The following FHAD1 variants were observed in gnomAD, a reference collection of about 807,000 sequenced individuals.
FHAD1 encodes the protein forkhead-associated domain-containing protein 1.
FHAD1 carries 146 observed loss-of-function variants against 191.3 expected under a neutral mutation model. The ratio of observed to expected loss-of-function variants is 0.76; its 90% CI spans 0.67 to 0.88. The LOEUF (loss-of-function observed/expected upper bound fraction) is 0.88. Among genes scored for constraint, FHAD1 ranks in the 40% least tolerant of loss-of-function variants. FHAD1 has a pLI of 0.00. For missense variants in FHAD1, 1,635 were observed against 1,785.8 expected (o/e 0.92, Z 1.52); for synonymous variants, 616 against 672.3 (o/e 0.92, Z 1.29).
At chr1:15,260,791 G>A (rs781056306) in intron 2 of FHAD1, among the ~76,000 whole-genome samples, 8 of 152,184 alleles carry the variant, frequency 5.3e-5, no homozygotes, top group Admixed American at 2.0e-4. Flanking sequence ...TGTTTTTAAG[G>A]GCTCACGTGG....
intron 5 of FHAD1, among the ~76,000 whole-genome samples, chr1:15,299,042 A>G (rs1034391087): frequency 9.9e-5 from 15 of 151,210 alleles, no homozygotes; most frequent in African/African-American, 3.6e-4. Context: ...AACAACAACA[A>G]CAAAAAAACG....
At chr1:15,386,082 C>G (rs757967619) in intron 31 of FHAD1, among the ~76,000 whole-genome samples, 28 of 152,228 alleles carry the variant, frequency 1.8e-4, no homozygotes, top group Admixed American at 1.6e-3. Context: ...AAGCCCACCT[C>G]TGTCCCTGAG....
chr1:15,328,049 A>AG (rs1185094962), intron 12 of FHAD1: 51 of 234,784 alleles, frequency 2.2e-4, no homozygotes, highest in African/African-American at 1.2e-3. Flanking sequence ...AAAAAAAAAG[A>AG]AAAGAAAAAA....
Position 15,280,724 on chromosome 1 carries a change from A to G in FHAD1, c.300+8195A>G, listed in dbSNP as rs1292088939. 2.6e-5 allele frequency among the ~76,000 whole-genome samples: 4 copies of G among 152,338 alleles called. No individual in the cohort carries two copies. In the East Asian group the frequency reaches 7.7e-4, roughly 29 times the overall value. Reference sequence around the variant, plus strand: ...ACTCAATCTGGCAAGACTGAGCTCCAGCAGGCCGAGTCTAGGGTAGAAAAC... The same window carrying G: ...ACTCAATCTGGCAAGACTGAGCTCCGGCAGGCCGAGTCTAGGGTAGAAAAC... On this transcript the variant is annotated intron_variant, in intron 3 of 33. Transcript: ENST00000688493.
At chr1:15,330,522 CA>C (rs1300273825) in intron 14 of FHAD1, among the ~76,000 whole-genome samples, 4 of 152,068 alleles carry the variant, frequency 2.6e-5, no homozygotes, top group Admixed American at 2.0e-4. Flanking sequence ...CTTATGGTCT[CA>C]GGGGGAAGGA....
chr1:15,245,561 G>A (rs1383388857), upstream of FHAD1, among the ~76,000 whole-genome samples: 2 of 152,208 alleles, frequency 1.3e-5, no homozygotes, highest in Non-Finnish European at 2.9e-5. Context: ...AGGCAGAAAC[G>A]TGTGGGAAGC....
At chr1:15,292,258 C>T (rs1174873718) in intron 4 of FHAD1, among the ~76,000 whole-genome samples, 1 of 152,166 alleles carries the variant, frequency 6.6e-6, no homozygotes, top group African/African-American at 2.4e-5. Context: ...AGTGATTCTC[C>T]TGCCTCAGCC....
At chr1:15,324,626 G>C in intron 11 of FHAD1, 67 bp downstream of exon 11, 1 of 1,167,256 alleles carries the variant, frequency 8.6e-7, no homozygotes, top group Non-Finnish European at 1.3e-6. Flanking sequence ...AGCAGCCAGT[G>C]GGGGTGAGAG....
chr1:15,303,549 C>G (rs550055893), intron 6 of FHAD1, among the ~76,000 whole-genome samples: 11 of 152,180 alleles, frequency 7.2e-5, no homozygotes, highest in Admixed American at 2.0e-4. Context: ...GTGAAATTAT[C>G]TATAAATAAT....
chr1:15,318,756 T>C lies in FHAD1; in HGVS notation c.1365+828T>C, dbSNP rs548268470. On this transcript the variant is annotated intron_variant, in intron 10 of 33. Transcript: ENST00000688493. This position sits in a 1 kb window ranked among gnomAD's most constrained non-coding sequence, Gnocchi z 4.1. Reference sequence around the variant, plus strand: ...GCTGCTGCACTGGACAGCACAGATATGGAAATTTCCATCAGCACAGCAAGT... The same window carrying C: ...GCTGCTGCACTGGACAGCACAGATACGGAAATTTCCATCAGCACAGCAAGT... Among the ~76,000 whole-genome samples, 6 of 152,336 alleles carry C rather than the reference T, an allele frequency of 3.9e-5. No homozygotes were observed. In the East Asian group the frequency reaches 5.8e-4, roughly 15 times the overall value.
intron 1 of FHAD1, among the ~76,000 whole-genome samples, chr1:15,250,350 C>T (rs1438825456): frequency 1.3e-5 from 2 of 152,134 alleles, no homozygotes; most frequent in African/African-American, 4.8e-5. Context: ...GAACTTATTT[C>T]GAAATGCACC....
Position 15,365,807 on chromosome 1 carries a change from C to G in FHAD1, c.3048-20C>G. ...TGGAGTTTGAGTTGAACTGACTTCA[C>G]CTGTTTTTGTGAATTTCAGAGATGA... is the stretch of plus-strand genomic sequence containing the variant. On this transcript the variant is annotated intron_variant, in intron 23 of 33. Coordinates refer to ENST00000688493, the MANE Select transcript of FHAD1 (RefSeq NM_001391957.1). 6.7e-7 allele frequency: 1 copy of G among 1,488,052 alleles called. No homozygotes were observed. 92.2% of individuals were successfully genotyped at this position (1,488,052 alleles called of 1,614,324 possible). A position where few individuals can be genotyped will look rare whatever the true frequency, so the allele number is the denominator to read the frequency against.
intron 28 of FHAD1, among the ~76,000 whole-genome samples, chr1:15,378,939 C>T (rs1367745004): frequency 6.6e-6 from 1 of 152,078 alleles, no homozygotes; most frequent in African/African-American, 2.4e-5. Flanking sequence ...ATGCCTTTGG[C>T]TGGGGCTTTC....
At chr1:15,292,470 A>ACCCG (rs1283237167) in intron 4 of FHAD1, among the ~76,000 whole-genome samples, 10 of 152,226 alleles carry the variant, frequency 6.6e-5, no homozygotes, top group African/African-American at 2.4e-4. Context: ...AGTAGCTGGG[A>ACCCG]CTACAGGCGC....
intron 6 of FHAD1, among the ~76,000 whole-genome samples, chr1:15,307,822 C>T (rs960645580): frequency 1.3e-5 from 2 of 152,012 alleles, no homozygotes; most frequent in Non-Finnish European, 2.9e-5. Context: ...GCTCTGCCTC[C>T]CGGGTTCACA....
Position 15,318,633 on chromosome 1 carries a change from CA to C in FHAD1, c.1365+718del, listed in dbSNP as rs959717069. Among the ~76,000 whole-genome samples, 884 of 139,542 alleles carry C rather than the reference CA, an allele frequency of 6.3e-3. 7 individuals are homozygous for C. The highest frequency in any genetic ancestry group is 0.02 in the African/African-American group (751 of 38,172). 91.5% of individuals were successfully genotyped at this position (139,542 alleles called of 152,430 possible). ...TGGGCGACAGAGCAAGACTCCGTCT[CA>C]AAAAAAAAAAAATTTAATTAAAAAT... On this transcript the variant is annotated intron_variant, in intron 10 of 33. Coordinates refer to ENST00000688493, the MANE Select transcript of FHAD1 (RefSeq NM_001391957.1). The surrounding 1 kb of genome is among the most constrained non-coding windows in gnomAD (Gnocchi z 4.1).
In FHAD1 at chr1:15,382,031, G is replaced by C. The variant is rs546675414; in HGVS notation, c.4026G>C (p.Arg1342=). The change falls in exon 31 of 34, where the codon CGG becomes CGC. Residue 1342 remains arginine (R), a synonymous_variant. Transcript: ENST00000688493. The stretch of plus-strand genomic sequence containing the variant: ...GCCATCTCTCCTGTGCACCCAGGCG[G>C]AGCAAAGTGTCCATTGAGATGTACC... ...GYEKDVEQLR[R]SKVSIEMYQS... 3 of 1,552,058 alleles carry C rather than the reference G, an allele frequency of 1.9e-6. No individual in the cohort carries two copies. The East Asian group carries it at 7.3e-5, about 38-fold the overall frequency.
chr1:15,251,991 G>C (rs536298956), intron 2 of FHAD1, 114 bp downstream of exon 2: 1 of 861,426 alleles, frequency 1.2e-6, no homozygotes. Flanking sequence ...ACCTGGGCAA[G>C]CAGCCATACC....
chr1:15,368,426 A>G (rs576879442), intron 25 of FHAD1, among the ~76,000 whole-genome samples: 74 of 152,190 alleles, frequency 4.9e-4, no homozygotes, highest in African/African-American at 1.6e-3. Flanking sequence ...CATACAAAAT[A>G]TTGTCATTGT....
Sources: allele counts gnomAD v4.1 joint callset (sites outside exome capture counted in the v4.1 genomes callset), GRCh38; gene constraint gnomAD v4.1.1; non-coding constraint Gnocchi (gnomAD v3.1); transcripts MANE v1.5; gene names NCBI Gene and HGNC (gene_info 2026-07-23, HGNC 2026-07-21).